Variants in PTPRQ observed in about 807,000 individuals in gnomAD.
PTPRQ encodes the protein phosphatidylinositol phosphatase PTPRQ.
In PTPRQ, 199 loss-of-function variants were observed where a neutral mutation model predicts 246.0. The ratio of observed to expected loss-of-function variants is 0.81; its 90% CI spans 0.72 to 0.91. The LOEUF (loss-of-function observed/expected upper bound fraction) is 0.91, where lower values mean the gene tolerates loss of function less well. Ranked by LOEUF, PTPRQ falls within the 40% of genes least tolerant of loss-of-function variation. The pLI is 0.00. For synonymous variants in PTPRQ, 869 were observed against 853.2 expected (o/e 1.02, Z -0.32); for missense variants, 2,624 against 2,528.4 (o/e 1.04, Z -0.81).
chr12:80,571,850 C>A (rs1046282323), intron 25 of PTPRQ, among the ~76,000 whole-genome samples: 3 of 151,882 alleles, frequency 2.0e-5, no homozygotes, highest in Admixed American at 2.0e-4. Context: ...GAATTTATTT[C>A]TGGAATATAT....
intron 29 of PTPRQ, among the ~76,000 whole-genome samples, chr12:80,615,692 C>T (rs921485200): frequency 6.6e-6 from 1 of 150,722 alleles, no homozygotes; most frequent in Non-Finnish European, 1.5e-5. Context: ...AACTGGGAGG[C>T]TGAAGGAATA....
chr12:80,594,256 T>C (rs1469143224), intron 26 of PTPRQ, among the ~76,000 whole-genome samples: 3 of 152,184 alleles, frequency 2.0e-5, no homozygotes, highest in African/African-American at 7.2e-5. Flanking sequence ...TTATCCTTTT[T>C]ATAAAGAAGC....
chr12:80,514,864 G>A (rs1336849312), intron 17 of PTPRQ, among the ~76,000 whole-genome samples: 14 of 147,082 alleles, frequency 9.5e-5, no homozygotes, highest in Non-Finnish European at 1.9e-4. Flanking sequence ...GTGGAAAAGA[G>A]TAAGATTACA....
At chr12:80,670,243 C>A in intron 41 of PTPRQ, 101 bp from the exon 42 acceptor site, 1 of 1,472,442 alleles carries the variant, frequency 6.8e-7, no homozygotes, top group South Asian at 1.4e-5. Flanking sequence ...GGTAAATAGT[C>A]ATTTTTAAAA....
At chr12:80,645,775 A>C (rs1167537606) in intron 35 of PTPRQ, among the ~76,000 whole-genome samples, 1 of 152,106 alleles carries the variant, frequency 6.6e-6, no homozygotes, top group East Asian at 1.9e-4. Flanking sequence ...TTTCCGTTGT[A>C]CGAAGAATGC....
chr12:80,606,659 T>C (rs142883879), intron 27 of PTPRQ, among the ~76,000 whole-genome samples: 20 of 151,168 alleles, frequency 1.3e-4, no homozygotes, highest in Middle Eastern at 3.4e-3. Flanking sequence ...AATTTTATTA[T>C]GTCTTTGTAG....
intron 34 of PTPRQ, 64 bp downstream of exon 34, chr12:80,632,355 T>A: frequency 6.5e-7 from 1 of 1,536,408 alleles, no homozygotes; most frequent in African/African-American, 1.4e-5. Flanking sequence ...CATAGTCCAA[T>A]CAGGAGACAG....
chr12:80,458,052 G>C (rs895674863), intron 4 of PTPRQ, among the ~76,000 whole-genome samples: 6 of 151,924 alleles, frequency 3.9e-5, no homozygotes, highest in Non-Finnish European at 5.9e-5. Flanking sequence ...TTAACATGAA[G>C]TCATAAGCTT....
At chr12:80,604,625 C>T (rs972829842) in intron 26 of PTPRQ, among the ~76,000 whole-genome samples, 6 of 151,462 alleles carry the variant, frequency 4.0e-5, no homozygotes, top group African/African-American at 1.5e-4. Context: ...TATATGTATA[C>T]TTTCATTATA....
intron 10 of PTPRQ, 146 bp downstream of exon 10, chr12:80,493,601 A>G: frequency 8.1e-7 from 1 of 1,229,994 alleles, no homozygotes. Flanking sequence ...GGAAAACCTC[A>G]TGCAACAAAT....
chr12:80,444,718 A>G (rs1275185491), intron 1 of PTPRQ, 23 bp from the exon 2 acceptor site: 1 of 1,502,084 alleles, frequency 6.7e-7, no homozygotes, highest in South Asian at 1.2e-5. Context: ...TTTTAATGCA[A>G]CTATTTGTTT....
At chr12:80,516,506 A>G (rs924067533) in intron 17 of PTPRQ, among the ~76,000 whole-genome samples, 2 of 152,220 alleles carry the variant, frequency 1.3e-5, no homozygotes, top group East Asian at 1.9e-4. Flanking sequence ...CTTATTGCAG[A>G]TAAGATATGC....
intron 25 of PTPRQ, among the ~76,000 whole-genome samples, chr12:80,556,316 A>G (rs1896644900): frequency 6.6e-6 from 1 of 152,208 alleles, no homozygotes; most frequent in Non-Finnish European, 1.5e-5. Context: ...GGCATGAGCC[A>G]CCATGCCTGG....
rs1894505326 is a variant in PTPRQ, at chr12:80,493,255, A to C, written c.1360-20A>C. 1 of 1,420,942 alleles carries C rather than the reference A, an allele frequency of 7.0e-7. No homozygotes were observed. The highest frequency in any genetic ancestry group is 1.7e-5 in the South Asian group (1 of 58,720). The allele number at this position is 1,420,942 out of a possible 1,614,324, so 88.0% of individuals were successfully genotyped here. Reference sequence around the variant, plus strand: ...AGTGTAACTGTCACAGTCTTTTAAAATATCTACTTTTAATTACAGTATATA... The same window carrying C: ...AGTGTAACTGTCACAGTCTTTTAAACTATCTACTTTTAATTACAGTATATA... On this transcript the variant is annotated intron_variant, in intron 9 of 44. Transcript: ENST00000644991.
intron 26 of PTPRQ, among the ~76,000 whole-genome samples, chr12:80,593,920 C>A (rs1409017233): frequency 6.6e-6 from 1 of 151,612 alleles, no homozygotes. Context: ...ACCACCAAGA[C>A]TGGAAGACAG....
At chr12:80,476,813 A>G (rs1032697547) in intron 8 of PTPRQ, among the ~76,000 whole-genome samples, 1 of 152,176 alleles carries the variant, frequency 6.6e-6, no homozygotes, top group Non-Finnish European at 1.5e-5. Flanking sequence ...AGGGATCATA[A>G]TTTTATGCCA....
At position 80,449,360 on chromosome 12, in the gene PTPRQ, G is replaced by A. The variant is rs527815714; in HGVS notation, c.390+3643G>A. 1.3e-4 allele frequency among the ~76,000 whole-genome samples: 20 copies of A among 152,228 alleles called. No individual in the cohort carries two copies. The South Asian group carries it at 3.7e-3, about 28-fold the overall frequency. ...CTCTGATGGTAGTTTCTTTTGCTGT[G>A]CAGAAGCTCTTTAGTTTAATGAGAT... On this transcript the variant is annotated intron_variant, in intron 3 of 44. Transcript: ENST00000644991.
At chr12:80,630,345 AT>A (rs1207243810) in intron 33 of PTPRQ, among the ~76,000 whole-genome samples, 4 of 151,698 alleles carry the variant, frequency 2.6e-5, no homozygotes, top group African/African-American at 9.7e-5. Context: ...ATGTCCTTTA[AT>A]TTTTTTTCTT....
At chr12:80,632,108 C>A in intron 33 of PTPRQ, 84 bp from the exon 34 acceptor site, 1 of 1,459,312 alleles carries the variant, frequency 6.9e-7, no homozygotes, top group South Asian at 1.4e-5. Context: ...TTTTCTTATG[C>A]CAAGATAATA....
Sources: allele counts gnomAD v4.1 joint callset (sites outside exome capture counted in the v4.1 genomes callset), GRCh38; gene constraint gnomAD v4.1.1; transcripts MANE v1.5; gene names NCBI Gene and HGNC (gene_info 2026-07-23, HGNC 2026-07-21).